Variants in MSRA observed in about 807,000 individuals in gnomAD.
MSRA encodes methionine sulfoxide reductase A.
In MSRA, 54 loss-of-function variants were observed where a neutral mutation model predicts 31.3. That is an observed-to-expected ratio of 1.73 (90% CI 1.39 to 2.17). MSRA has a LOEUF of 2.17. MSRA is among the 30% of genes most tolerant of loss of function. The pLI, the probability that MSRA is intolerant of heterozygous loss-of-function variation, is 0.00. For missense variants in MSRA, 507 were observed against 300.9 expected, an observed-to-expected ratio of 1.69 and a Z score of -5.07; for synonymous variants, 169 against 116.5, an observed-to-expected ratio of 1.45 and a Z score of -2.90.
intron 1 of MSRA, among the ~76,000 whole-genome samples, chr8:10,115,819 A>C (rs928663420): frequency 3.3e-5 from 5 of 152,242 alleles, no homozygotes; most frequent in Admixed American, 6.5e-5. Context: ...AAGAGGACAC[A>C]GTCCACACTC....
At chr8:10,349,428 A>C (rs549462135) in intron 5 of MSRA, among the ~76,000 whole-genome samples, 2 of 152,014 alleles carry the variant, frequency 1.3e-5, no homozygotes, top group East Asian at 3.9e-4. Context: ...TTTTTTGTTT[A>C]TTCTTCAGGG....
At chr8:10,364,742 G>A (rs1459071399) in intron 5 of MSRA, among the ~76,000 whole-genome samples, 8 of 152,156 alleles carry the variant, frequency 5.3e-5, no homozygotes, top group Non-Finnish European at 8.8e-5. Context: ...CGGCAGATGG[G>A]CGTGCCAGAT....
At chr8:10,399,096 G>C (rs964521919) in intron 5 of MSRA, among the ~76,000 whole-genome samples, 10 of 152,226 alleles carry the variant, frequency 6.6e-5, no homozygotes, top group African/African-American at 1.9e-4. Context: ...TTTTCCAAAG[G>C]CTGCAAAACT....
intron 5 of MSRA, among the ~76,000 whole-genome samples, chr8:10,357,586 A>G (rs896419470): frequency 6.6e-6 from 1 of 152,142 alleles, no homozygotes; most frequent in Non-Finnish European, 1.5e-5. Flanking sequence ...GAGCTTTCCT[A>G]TCTTCTTTAC....
intron 1 of MSRA, among the ~76,000 whole-genome samples, chr8:10,099,438 G>A (rs963035063): frequency 2.0e-5 from 3 of 152,040 alleles, no homozygotes; most frequent in South Asian, 2.1e-4. Context: ...GAGAGGATAG[G>A]AATAATTGAT....
intron 5 of MSRA, among the ~76,000 whole-genome samples, chr8:10,413,824 T>C (rs1392260701): frequency 1.3e-5 from 2 of 152,182 alleles, no homozygotes; most frequent in East Asian, 1.9e-4. Flanking sequence ...AAAACGGTGA[T>C]GGTTACATAA....
At chr8:10,262,846 C>T (rs995611687) in intron 3 of MSRA, among the ~76,000 whole-genome samples, 5 of 152,188 alleles carry the variant, frequency 3.3e-5, no homozygotes, top group Non-Finnish European at 7.3e-5. Context: ...GGCACTCACA[C>T]CTTTCTTGTT....
At chr8:10,201,736 CA>C (rs1429993262) in intron 1 of MSRA, among the ~76,000 whole-genome samples, 1 of 152,228 alleles carries the variant, frequency 6.6e-6, no homozygotes, top group East Asian at 1.9e-4. Flanking sequence ...CGATCCCCTT[CA>C]ACATCCAGAA....
chr8:10,359,197 A>G (rs1249382387), intron 5 of MSRA, among the ~76,000 whole-genome samples: 1 of 152,152 alleles, frequency 6.6e-6, no homozygotes, highest in Non-Finnish European at 1.5e-5. Context: ...TTTCTTTATC[A>G]GGAGCAGACT....
intron 2 of MSRA, among the ~76,000 whole-genome samples, chr8:10,215,855 G>T (rs1439869738): frequency 7.2e-5 from 11 of 152,142 alleles, no homozygotes; most frequent in Admixed American, 3.3e-4. Flanking sequence ...TTTCCTTTAA[G>T]TTTTGACAAC....
intron 1 of MSRA, among the ~76,000 whole-genome samples, chr8:10,069,622 G>A (rs549403989): frequency 1.7e-3 from 265 of 152,306 alleles, no homozygotes; most frequent in African/African-American, 5.9e-3. Flanking sequence ...CAGAAGAACA[G>A]AAAAGTGAGC....
chr8:10,310,535 C>G (rs1267929236), intron 4 of MSRA, among the ~76,000 whole-genome samples: 1 of 152,190 alleles, frequency 6.6e-6, no homozygotes, highest in Non-Finnish European at 1.5e-5. Flanking sequence ...GGTTTGGTGT[C>G]TGCACTCTGA....
chr8:10,305,624 G>T (rs934205743), intron 4 of MSRA, among the ~76,000 whole-genome samples: 3 of 152,114 alleles, frequency 2.0e-5, no homozygotes, highest in Admixed American at 6.5e-5. Flanking sequence ...ATGTTGGTCA[G>T]CCTGGTCTCA....
At chr8:10,110,086 C>G (rs1299717072) in intron 1 of MSRA, among the ~76,000 whole-genome samples, 1 of 152,158 alleles carries the variant, frequency 6.6e-6, no homozygotes, top group Non-Finnish European at 1.5e-5. Context: ...AGTTCATGCC[C>G]CACACAGACA....
At chr8:10,185,818 C>T (rs1336630080) in intron 1 of MSRA, among the ~76,000 whole-genome samples, 1 of 152,192 alleles carries the variant, frequency 6.6e-6, no homozygotes, top group Non-Finnish European at 1.5e-5. Context: ...ACTCTAATGC[C>T]AGGACCAAGT....
intron 1 of MSRA, among the ~76,000 whole-genome samples, chr8:10,139,724 G>A (rs550075772): frequency 6.6e-6 from 1 of 152,312 alleles, no homozygotes; most frequent in South Asian, 2.1e-4. Flanking sequence ...TCCACTGTAT[G>A]TATGTATATG....
rs1174554926 is a variant in MSRA at position 10,301,521 on chromosome 8, TG to T, written c.332-12del. 2 of 1,602,846 alleles carry T rather than the reference TG, an allele frequency of 1.2e-6. No individual in the cohort carries two copies. Among genetic ancestry groups the T allele is most frequent in the Non-Finnish European group, 1.7e-6 (2 of 1,174,812 alleles). On this transcript the variant is annotated splice_polypyrimidine_tract_variant and intron_variant, in intron 3 of 5. Coordinates refer to ENST00000317173, the MANE Select transcript of MSRA (RefSeq NM_012331.5). Reference sequence around the variant, plus strand: ...GTCAGTAAATTTCGGTTGTACGTTTTGTTTTTTCCAAGAAAAAACTGGCCAT... The same window carrying T: ...GTCAGTAAATTTCGGTTGTACGTTTTTTTTTTCCAAGAAAAAACTGGCCAT...
chr8:10,084,893 C>G (rs1259097298), intron 1 of MSRA, among the ~76,000 whole-genome samples: 3 of 470 alleles, frequency 6.4e-3, no homozygotes, highest in Non-Finnish European at 0.013. Context: ...ATAGGCTTTG[C>G]GAATTAACAT....
intron 3 of MSRA, among the ~76,000 whole-genome samples, chr8:10,276,266 G>C (rs1029490898): frequency 1.3e-5 from 2 of 152,204 alleles, no homozygotes; most frequent in Non-Finnish European, 2.9e-5. Context: ...GCACATGGTC[G>C]CAGTAAGTGC....
Sources: gnomAD v4.1 joint callset for allele counts (sites outside exome capture counted in the v4.1 genomes callset) on GRCh38, gnomAD v4.1.1 for gene constraint, MANE v1.5 for transcripts, NCBI Gene and HGNC (gene_info 2026-07-23, HGNC 2026-07-21) for gene names.